Variants in ANKS1B observed in about 807,000 individuals in gnomAD.
ANKS1B encodes the protein ankyrin repeat and sterile alpha motif domain-containing protein 1B.
A neutral mutation model predicts 148.3 loss-of-function variants in ANKS1B; 36 were observed. That is an observed-to-expected ratio of 0.24 (90% confidence interval 0.19 to 0.32). The LOEUF (loss-of-function observed/expected upper bound fraction) is 0.32, where lower values mean the gene tolerates loss of function less well. Ranked by LOEUF, ANKS1B falls within the 10% of genes least tolerant of loss-of-function variation. ANKS1B has a pLI of 1.00. For synonymous variants in ANKS1B, 542 were observed against 560.8 expected (o/e 0.97, Z 0.47); for missense variants, 1,157 against 1,542.6 (o/e 0.75, Z 4.19).
chr12:99,481,924 G>A (rs1210498758), intron 10 of ANKS1B, among the ~76,000 whole-genome samples: 2 of 151,806 alleles, frequency 1.3e-5, no homozygotes, highest in Non-Finnish European at 2.9e-5. Flanking sequence ...TGTAGATTCT[G>A]GATACTAGTC....
At chr12:99,628,150 A>G (rs1344143010) in intron 9 of ANKS1B, among the ~76,000 whole-genome samples, 2 of 152,134 alleles carry the variant, frequency 1.3e-5, no homozygotes, top group African/African-American at 4.8e-5. Context: ...TACACTGAAT[A>G]CTGTAGACGA....
intron 8 of ANKS1B, among the ~76,000 whole-genome samples, chr12:99,681,063 C>T (rs926815998): frequency 1.3e-5 from 2 of 152,132 alleles, no homozygotes; most frequent in Non-Finnish European, 2.9e-5. Context: ...TCTCCACCTG[C>T]CCTGGTAGCC....
intron 15 of ANKS1B, among the ~76,000 whole-genome samples, chr12:99,149,961 G>A (rs1255866759): frequency 1.3e-5 from 2 of 152,118 alleles, no homozygotes; most frequent in African/African-American, 4.8e-5. Context: ...TGTGTGATGT[G>A]CATGCAAATA....
intron 3 of ANKS1B, among the ~76,000 whole-genome samples, chr12:99,811,217 T>G (rs1002534523): frequency 3.9e-5 from 6 of 151,912 alleles, no homozygotes; most frequent in African/African-American, 1.4e-4. Context: ...TTTTTATCCT[T>G]CAGTCTGAAT....
intron 15 of ANKS1B, chr12:99,096,920 G>A (rs865824984): frequency 6.6e-6 from 1 of 152,098 alleles, no homozygotes; most frequent in Admixed American, 6.5e-5. Context: ...TTAAAAGGGG[G>A]CACACTCTAT....
chr12:99,185,114 T>C (rs962029045), intron 14 of ANKS1B, among the ~76,000 whole-genome samples: 1 of 152,222 alleles, frequency 6.6e-6, no homozygotes, highest in Admixed American at 6.5e-5. Flanking sequence ...CAGAACACGA[T>C]GAGTGACACA....
chr12:99,563,290 A>G (rs957977560), intron 9 of ANKS1B, among the ~76,000 whole-genome samples: 3 of 152,154 alleles, frequency 2.0e-5, no homozygotes, highest in African/African-American at 7.2e-5. Context: ...GCTTTGGCCT[A>G]TTTTGGCTTT....
At chr12:98,813,656 C>T (rs1029467110) in intron 19 of ANKS1B, among the ~76,000 whole-genome samples, 7 of 151,690 alleles carry the variant, frequency 4.6e-5, no homozygotes, top group Middle Eastern at 3.4e-3. Context: ...GATTCTCTCC[C>T]GGGTTCAAGT....
At chr12:99,591,790 A>G (rs1244778908) in intron 9 of ANKS1B, among the ~76,000 whole-genome samples, 1 of 152,174 alleles carries the variant, frequency 6.6e-6, no homozygotes, top group Non-Finnish European at 1.5e-5. Context: ...ACAGTGTGGC[A>G]TTAGCTATGT....
intron 17 of ANKS1B, among the ~76,000 whole-genome samples, chr12:98,919,833 G>T (rs992958577): frequency 2.0e-5 from 3 of 152,130 alleles, no homozygotes; most frequent in African/African-American, 4.8e-5. Context: ...GCAATTGTTA[G>T]GGGCTGCAAT....
intron 9 of ANKS1B, among the ~76,000 whole-genome samples, chr12:99,651,524 C>A (rs890288816): frequency 2.0e-5 from 3 of 152,016 alleles, no homozygotes; most frequent in African/African-American, 7.2e-5. Flanking sequence ...CATTGTAGTC[C>A]CTTGATAATC....
chr12:99,791,096 A>G (rs1317343295), intron 4 of ANKS1B, among the ~76,000 whole-genome samples: 1 of 152,074 alleles, frequency 6.6e-6, no homozygotes, highest in Non-Finnish European at 1.5e-5. Flanking sequence ...TTCCATGTCA[A>G]CAGAAACCAA....
chr12:99,060,777 A>G (rs2042206364), intron 16 of ANKS1B, among the ~76,000 whole-genome samples: 2 of 151,704 alleles, frequency 1.3e-5, no homozygotes. Context: ...TGTGCAGATA[A>G]GGATAATATC....
At position 99,805,262 on chromosome 12, in the gene ANKS1B, G is replaced by GAAAAAAAA. The variant is rs1567880890; in HGVS notation, c.669+1141_669+1142insTTTTTTTT. Reference sequence around the variant, plus strand: ...GAAATAACCATGAAAGGAGGAAAAGGCAAAAAAAAAAAAAAAAAAAAAAAA... The same window carrying GAAAAAAAA: ...GAAATAACCATGAAAGGAGGAAAAGGAAAAAAAACAAAAAAAAAAAAAAAAAAAAAAAA... On this transcript the variant is annotated intron_variant, in intron 4 of 26. Transcript: ENST00000683438. Among the ~76,000 whole-genome samples, 24 of 8,304 alleles carry GAAAAAAAA rather than the reference G, an allele frequency of 2.9e-3. 2 individuals carry two copies. Among genetic ancestry groups the GAAAAAAAA allele is most frequent in the African/African-American group, 0.012 (21 of 1,736 alleles). 5.4% of individuals were successfully genotyped at this position (8,304 alleles called of 152,430 possible). A position where few individuals can be genotyped will look rare whatever the true frequency, so the allele number is the denominator to read the frequency against.
intron 12 of ANKS1B, among the ~76,000 whole-genome samples, chr12:99,380,046 C>T (rs535987275): frequency 1.3e-5 from 2 of 152,324 alleles, no homozygotes; most frequent in South Asian, 4.1e-4. Context: ...AAATGAGGCA[C>T]TTCCACTCTT....
chr12:99,431,746 C>T (rs963020355), intron 11 of ANKS1B, among the ~76,000 whole-genome samples: 2 of 152,178 alleles, frequency 1.3e-5, no homozygotes, highest in Non-Finnish European at 2.9e-5. Context: ...TAAATCAGCA[C>T]AGCACTTAAG....
chr12:99,952,340 A>G (rs1037381107), intron 1 of ANKS1B, among the ~76,000 whole-genome samples: 2 of 151,948 alleles, frequency 1.3e-5, no homozygotes, highest in Non-Finnish European at 2.9e-5. Flanking sequence ...GCTGTTGTTG[A>G]TGATCCACTT....
At chr12:99,928,481 TG>T (rs1279085496) in intron 1 of ANKS1B, among the ~76,000 whole-genome samples, 1 of 151,552 alleles carries the variant, frequency 6.6e-6, no homozygotes, top group East Asian at 1.9e-4. Flanking sequence ...GGTTTCACCT[TG>T]TTAGCCAGGA....
intron 16 of ANKS1B, among the ~76,000 whole-genome samples, chr12:99,062,226 A>G (rs552283201): frequency 1.2e-4 from 19 of 152,336 alleles, no homozygotes; most frequent in South Asian, 6.2e-4. Flanking sequence ...TAGTAATGTG[A>G]AAGATTAAAA....
Sources: allele counts gnomAD v4.1 joint callset (sites outside exome capture counted in the v4.1 genomes callset), GRCh38; gene constraint gnomAD v4.1.1; transcripts MANE v1.5; gene names NCBI Gene and HGNC (gene_info 2026-07-23, HGNC 2026-07-21).